The following FPR1 variants were observed in gnomAD, a reference collection of about 807,000 sequenced individuals.
The protein encoded by FPR1 is N-formyl peptide receptor 1.
For synonymous variants in FPR1, 193 were observed against 176.7 expected, an observed-to-expected ratio of 1.09 and a Z score of -0.73; for missense variants, 407 against 453.0, an observed-to-expected ratio of 0.90 and a Z score of 0.92.
At chr19:51,751,529 C>T (rs749904918) in intron 1 of FPR1, among the ~76,000 whole-genome samples, 1 of 152,056 alleles carries the variant, frequency 6.6e-6, no homozygotes, top group African/African-American at 2.4e-5. Context: ...ATTACAGACG[C>T]CCACCACCAC....
chr19:51,747,543 C>T (rs1250157114), intron 1 of FPR1, among the ~76,000 whole-genome samples: 3 of 152,148 alleles, frequency 2.0e-5, no homozygotes, highest in Non-Finnish European at 4.4e-5. Flanking sequence ...GACACATCCT[C>T]ATAATTGCTA....
Position 51,746,513 on chromosome 19 carries a change from A to G in FPR1, c.482T>C (p.Ile161Thr). 1 of 1,614,176 alleles carries G rather than the reference A, an allele frequency of 6.2e-7. No individual in the cohort carries two copies. Among genetic ancestry groups the G allele is most frequent in the Non-Finnish European group, 8.5e-7 (1 of 1,180,030 alleles). Residue 161 changes from isoleucine (I) to threonine (T), a missense_variant, in exon 2 of 2, where the codon ATC (isoleucine) becomes ACC (threonine). Transcript: ENST00000304748. This position sits in a 1 kb window ranked among gnomAD's most constrained non-coding sequence, Gnocchi z 4.3. ...ACCAGGTACTGTAGTCACACGAATGATAACTGGCAATGTGAGGAGCAGAGC... is the reference window on the plus strand; with the variant it reads ...ACCAGGTACTGTAGTCACACGAATGGTAACTGGCAATGTGAGGAGCAGAGC... ...VMALLLTLPV[I>T]IRVTTVPGKT...
intron 1 of FPR1, among the ~76,000 whole-genome samples, chr19:51,749,595 A>G (rs2083768878): frequency 6.6e-6 from 1 of 152,214 alleles, no homozygotes; most frequent in Non-Finnish European, 1.5e-5. Flanking sequence ...TAGATCAGGT[A>G]TGCAAAGTGC....
rs2083741511 is a variant in FPR1, at chr19:51,746,076, C to T, written c.919G>A (p.Asp307Asn). The part of the protein sequence containing the change: ...NPMLYVFMGQ[D>N]FRERLIHALP... ...GCGTGGATCAGCCTCTCCCGGAAGT[C>T]CTGGCCCATGAAGACATAGAGCATG... Residue 307 changes from aspartate to asparagine, a missense_variant, in exon 2 of 2, where the codon GAC (aspartate) becomes AAC (asparagine). Transcript: ENST00000304748. This position sits in a 1 kb window ranked among gnomAD's most constrained non-coding sequence, Gnocchi z 4.3. 1 of 1,614,164 alleles carries T rather than the reference C, an allele frequency of 6.2e-7. No homozygotes were observed. Among genetic ancestry groups the T allele is most frequent in the Admixed American group, 1.7e-5 (1 of 60,020 alleles).
chr19:51,748,914 C>T (rs1409399842), intron 1 of FPR1, among the ~76,000 whole-genome samples: 2 of 152,122 alleles, frequency 1.3e-5, no homozygotes, highest in Admixed American at 6.6e-5. Flanking sequence ...TGCATAAGAA[C>T]TATAAGGTAT....
Position 51,746,065 on chromosome 19 carries a change from CT to C in FPR1, c.929del (p.Glu310GlyfsTer3). ...TGGCGGGAAGGGCGTGGATCAGCCT[CT>C]CCCGGAAGTCCTGGCCCATGAAGAC... ...LYVFMGQDFR[E>X]RLIHALPASL... is the part of the protein sequence containing the mutation. On this transcript the variant is annotated frameshift_variant, in exon 2 of 2. Coordinates refer to ENST00000304748, the MANE Select transcript of FPR1 (RefSeq NM_002029.4). LOFTEE classifies it low-confidence loss of function (END_TRUNC). The surrounding 1 kb of genome is among the most constrained non-coding windows in gnomAD (Gnocchi z 4.3). The C allele has an allele frequency of 6.2e-7, 1 of 1,614,094 alleles. No individual in the cohort carries two copies. The highest frequency in any genetic ancestry group is 2.2e-5 in the East Asian group (1 of 44,888).
At chr19:51,747,743 A>C (rs1226346430) in intron 1 of FPR1, among the ~76,000 whole-genome samples, 1 of 152,236 alleles carries the variant, frequency 6.6e-6, no homozygotes, top group Non-Finnish European at 1.5e-5. Flanking sequence ...GAATGGATAA[A>C]CAAAATGTGG....
intron 1 of FPR1, 38 bp downstream of exon 1, chr19:51,751,776 A>G (rs899608163): frequency 6.6e-6 from 1 of 152,276 alleles, no homozygotes; most frequent in Non-Finnish European, 1.5e-5. Context: ...AAGTGTGTCT[A>G]TGTCAAGCTA....
Position 51,746,582 on chromosome 19 carries a change from G to C in FPR1, c.413C>G (p.Thr138Ser). ...LHPVWTQNHR[T>S]VSLAKKVIIG... Reference sequence around the variant, plus strand: ...GATCACCTTCTTGGCCAGGCTCACGGTGCGGTGGTTCTGGGTCCAGACTGG... The same window carrying C: ...GATCACCTTCTTGGCCAGGCTCACGCTGCGGTGGTTCTGGGTCCAGACTGG... The change falls in exon 2 of 2, where the codon ACC (threonine) becomes AGC (serine). Residue 138 changes from threonine (T) to serine (S), a missense_variant. Thr to Ser is a moderately conservative substitution (Grantham distance 58, BLOSUM62 1). Transcript: ENST00000304748. The surrounding 1 kb of genome is among the most constrained non-coding windows in gnomAD (Gnocchi z 4.3). The C allele has an allele frequency of 6.2e-7, 1 of 1,614,206 alleles. No individual in the cohort carries two copies. Among genetic ancestry groups the C allele is most frequent in the Non-Finnish European group, 8.5e-7 (1 of 1,180,044 alleles).
chr19:51,746,207 A>T lies in FPR1; in HGVS notation c.788T>A (p.Ile263Lys). The T allele has an allele frequency of 6.2e-7, 1 of 1,614,162 alleles. No individual in the cohort carries two copies. Among genetic ancestry groups the T allele is most frequent in the Non-Finnish European group, 8.5e-7 (1 of 1,180,024 alleles). The change falls in exon 2 of 2, where the codon ATA (isoleucine) becomes AAA (lysine). Residue 263 changes from isoleucine (I) to lysine (K), a missense_variant. By Grantham distance (102) the Ile-to-Lys change is moderately radical. Coordinates refer to ENST00000304748, the MANE Select transcript of FPR1 (RefSeq NM_002029.4). This position sits in a 1 kb window ranked among gnomAD's most constrained non-coding sequence, Gnocchi z 4.3. Reference protein sequence around the residue: ...CWSPYQVVALIATVRIRELLQ... With the variant: ...CWSPYQVVALKATVRIRELLQ... ...TAACTCACGGATTCTGACTGTGGCT[A>T]TAAGGGCCACCACCTGATATGGGGA...
chr19:51,751,367 C>CTATT (rs1276384731), intron 1 of FPR1, among the ~76,000 whole-genome samples: 1 of 152,000 alleles, frequency 6.6e-6, no homozygotes, highest in Non-Finnish European at 1.5e-5. Context: ...AGTCTAGAGC[C>CTATT]TATTTGTTTA....
chr19:51,746,902 C>T lies in FPR1; in HGVS notation c.93G>A (p.Leu31=). The T allele has an allele frequency of 6.2e-7, 1 of 1,614,108 alleles. No homozygotes were observed. The highest frequency in any genetic ancestry group is 8.5e-7 in the Non-Finnish European group (1 of 1,180,020). Residue 31 remains leucine (L), a synonymous_variant, in exon 2 of 2, where the codon CTG becomes CTA. Coordinates refer to ENST00000304748, the MANE Select transcript of FPR1 (RefSeq NM_002029.4). The surrounding 1 kb of genome is among the most constrained non-coding windows in gnomAD (Gnocchi z 4.3). ...GYLFLDIITY[L]VFAVTFVLGV... ...CGAGGACAAAGGTGACTGCAAATAC[C>T]AGATAAGTGATGATATCCAGGAAGA...
chr19:51,746,382 G>A lies in FPR1; in HGVS notation c.613C>T (p.Arg205Trp), dbSNP rs1489945041. ...GGTGCGCTGAAGCCAATGATGAACC[G>A]GATGATGCCTCTCACCGTCAACATG... is the stretch of plus-strand genomic sequence containing the variant. The part of the protein sequence containing the change: ...VAMLTVRGII[R>W]FIIGFSAPMS... Residue 205 changes from arginine to tryptophan, a missense_variant, in exon 2 of 2, where the codon CGG becomes TGG. Arg to Trp is a moderately radical substitution (Grantham distance 101). Transcript: ENST00000304748. This position sits in a 1 kb window ranked among gnomAD's most constrained non-coding sequence, Gnocchi z 4.3. 16 of 1,614,062 alleles carry A rather than the reference G, an allele frequency of 9.9e-6. No homozygotes were observed. The highest frequency in any genetic ancestry group is 3.3e-5 in the South Asian group (3 of 91,086).
Position 51,746,617 on chromosome 19 carries a change from G to A in FPR1, c.378C>T (p.Cys126=), listed in dbSNP as rs776424230. 42 of 1,614,010 alleles carry A rather than the reference G, an allele frequency of 2.6e-5. No homozygotes were observed. Among genetic ancestry groups the A allele is most frequent in the African/African-American group, 1.1e-4 (8 of 74,896 alleles). ...TCTGGGTCCAGACTGGATGCAGGAC[G>A]CAAACACAGCGGTCCAGAGCAATGA... ...IALIALDRCV[C]VLHPVWTQNH... The change falls in exon 2 of 2, where the codon TGC becomes TGT. Residue 126 remains cysteine (C), a synonymous_variant. Coordinates refer to ENST00000304748, the MANE Select transcript of FPR1 (RefSeq NM_002029.4). This position sits in a 1 kb window ranked among gnomAD's most constrained non-coding sequence, Gnocchi z 4.3.
intron 1 of FPR1, among the ~76,000 whole-genome samples, chr19:51,748,485 C>G (rs2122327880): frequency 6.6e-6 from 1 of 152,348 alleles, no homozygotes; most frequent in African/African-American, 2.4e-5. Context: ...GTTTGAGACG[C>G]AGTCTCGTTC....
intron 1 of FPR1, among the ~76,000 whole-genome samples, chr19:51,749,066 T>C (rs918197730): frequency 6.6e-6 from 1 of 151,982 alleles, no homozygotes; most frequent in Non-Finnish European, 1.5e-5. Flanking sequence ...AATACAAAAA[T>C]TAGCCAGGCA....
chr19:51,749,920 C>T (rs2083770548), intron 1 of FPR1, among the ~76,000 whole-genome samples: 1 of 152,218 alleles, frequency 6.6e-6, no homozygotes, highest in African/African-American at 2.4e-5. Flanking sequence ...GTCCACCTGC[C>T]TCAGCCTCCC....
intron 1 of FPR1, chr19:51,750,911 A>G (rs559518041): frequency 6.6e-6 from 1 of 152,312 alleles, no homozygotes; most frequent in Non-Finnish European, 1.5e-5. Flanking sequence ...GATTCATGAG[A>G]GGGCAGGGCT....
At chr19:51,749,839 T>A (rs1319527809) in intron 1 of FPR1, among the ~76,000 whole-genome samples, 2 of 152,044 alleles carry the variant, frequency 1.3e-5, no homozygotes, top group Non-Finnish European at 2.9e-5. Context: ...TTTTTCTTTT[T>A]AATTGTATTT....
Sources: gnomAD v4.1 joint callset for allele counts (sites outside exome capture counted in the v4.1 genomes callset) on GRCh38, gnomAD v4.1.1 for gene constraint, Gnocchi (gnomAD v3.1) non-coding constraint, MANE v1.5 for transcripts, NCBI Gene and HGNC (gene_info 2026-07-23, HGNC 2026-07-21) for gene names.